RECQL5: variants seen among roughly 807,000 people sequenced by gnomAD.
RECQL5 encodes ATP-dependent DNA helicase Q5.
RECQL5 carries 88 observed loss-of-function variants against 103.4 expected under a neutral mutation model. The ratio of observed to expected loss-of-function variants is 0.85; its 90% CI spans 0.72 to 1.02. The LOEUF is 1.02. RECQL5 is among the 50% of genes least tolerant of loss of function. The pLI, the probability that RECQL5 is intolerant of heterozygous loss-of-function variation, is 0.00. For synonymous variants in RECQL5, 552 were observed against 507.9 expected (o/e 1.09, Z -1.17); for missense variants, 1,232 against 1,284.3 (o/e 0.96, Z 0.62).
In RECQL5 at chr17:75,662,843, G is replaced by A. The variant is rs2059717542; in HGVS notation, c.407C>T (p.Ser136Phe). The A allele has an allele frequency of 6.2e-7, 1 of 1,614,036 alleles. No individual in the cohort carries two copies. The change falls in exon 4 of 20, where the codon TCC becomes TTC. Residue 136 changes from serine to phenylalanine, a missense_variant. Physicochemically the swap from Ser to Phe is radical, Grantham distance 155. Coordinates refer to ENST00000317905, the MANE Select transcript of RECQL5 (RefSeq NM_004259.7). ...LYITPEMAAS[S>F]SFQPTLNSLV... ...GGAGTTCAGGGTGGGCTGGAAGGAGGATGAAGCTGCCATCTCTGGGGTGAT... is the reference window on the plus strand; with the variant it reads ...GGAGTTCAGGGTGGGCTGGAAGGAGAATGAAGCTGCCATCTCTGGGGTGAT...
chr17:75,630,844 G>GA lies in RECQL5; in HGVS notation c.1586-8_1586-7insT, dbSNP rs752469432. 1.8e-6 allele frequency: 2 copies of GA among 1,139,886 alleles called. No homozygotes were observed. The highest frequency in any genetic ancestry group is 2.4e-6 in the Non-Finnish European group (2 of 834,590). The allele number at this position is 1,139,886 out of a possible 1,614,324, so 70.6% of individuals were successfully genotyped here. On this transcript the variant is annotated splice_region_variant and splice_polypyrimidine_tract_variant and intron_variant, in intron 11 of 19. Transcript: ENST00000317905. ...TTCAGGGGACAGTTCTCATCTGTGG[G>GA]GGGGGGGGGTGGTCCTTGGTCCTTT... is the stretch of plus-strand genomic sequence containing the variant.
intron 6 of RECQL5, among the ~76,000 whole-genome samples, chr17:75,658,667 A>AG (rs958455689): frequency 5.9e-5 from 9 of 152,132 alleles, no homozygotes; most frequent in East Asian, 1.9e-4. Context: ...GCAGGAGTTA[A>AG]GGGGGGGCAA....
At chr17:75,647,255 G>T (rs145794275) in intron 8 of RECQL5, 2 of 819,518 alleles carry the variant, frequency 2.4e-6, no homozygotes, top group Non-Finnish European at 3.7e-6. Context: ...GCTGCCAGGC[G>T]GGCCGGCTGC....
At chr17:75,652,269 G>A (rs536667043) in intron 7 of RECQL5, among the ~76,000 whole-genome samples, 191 of 152,030 alleles carry the variant, frequency 1.3e-3, no homozygotes, top group Non-Finnish European at 2.2e-3. Context: ...TTGACCTGCC[G>A]ACTCAGAAAC....
chr17:75,652,611 G>A (rs2059569265), intron 7 of RECQL5: 1 of 152,724 alleles, frequency 6.5e-6, no homozygotes. Context: ...AGCTGGGCTG[G>A]TCACCAGGCC....
chr17:75,664,912 CA>C (rs371470695), intron 3 of RECQL5, 138 bp downstream of exon 3: 209,229 of 908,504 alleles, frequency 0.23, 90 homozygotes, highest in Admixed American at 0.28. Flanking sequence ...GACTCTGTCT[CA>C]AAAAAAAAAA....
At chr17:75,632,320 G>A (rs1015301715) in intron 8 of RECQL5, among the ~76,000 whole-genome samples, 2 of 152,250 alleles carry the variant, frequency 1.3e-5, no homozygotes, top group African/African-American at 2.4e-5. Context: ...GCAACAAGCT[G>A]TAGCGCATGG....
intron 4 of RECQL5, 86 bp downstream of exon 4, chr17:75,662,393 A>C: frequency 7.0e-7 from 1 of 1,421,816 alleles, no homozygotes; most frequent in Admixed American, 2.3e-5. Context: ...AGCTAGAAAA[A>C]CCAAAGGTCT....
At chr17:75,632,038 G>A (rs2059226354) in intron 8 of RECQL5, among the ~76,000 whole-genome samples, 2 of 152,190 alleles carry the variant, frequency 1.3e-5, no homozygotes, top group African/African-American at 4.8e-5. Context: ...ACCTCCTAAA[G>A]CCCATGCATT....
At chr17:75,644,355 T>A (rs1398712603) in intron 8 of RECQL5, among the ~76,000 whole-genome samples, 4 of 151,674 alleles carry the variant, frequency 2.6e-5, no homozygotes, top group African/African-American at 9.7e-5. Flanking sequence ...ATCACATGCA[T>A]GTAATCCCAG....
chr17:75,627,827 G>A (rs1455922955), intron 18 of RECQL5, 135 bp from the exon 19 acceptor site: 4 of 725,258 alleles, frequency 5.5e-6, no homozygotes, highest in Non-Finnish European at 9.0e-6. Context: ...AGACCATCCT[G>A]GCTAACACGG....
chr17:75,628,573 G>A (rs2059147084), intron 17 of RECQL5, 99 bp downstream of exon 17: 2 of 1,505,958 alleles, frequency 1.3e-6, no homozygotes, highest in South Asian at 2.5e-5. Context: ...GGTGTGGAAA[G>A]AAAGCTGATT....
Position 75,630,841 on chromosome 17 carries a change from T to TGG in RECQL5, c.1586-6_1586-5dup, listed in dbSNP as rs55982817. On this transcript the variant is annotated splice_region_variant and splice_polypyrimidine_tract_variant and intron_variant, in intron 11 of 19. Coordinates refer to ENST00000317905, the MANE Select transcript of RECQL5 (RefSeq NM_004259.7). ...TCTTTCAGGGGACAGTTCTCATCTGTGGGGGGGGGGGGTGGTCCTTGGTCC... is the reference window on the plus strand; with the variant it reads ...TCTTTCAGGGGACAGTTCTCATCTGTGGGGGGGGGGGGGGTGGTCCTTGGTCC... 5.7e-3 allele frequency: 6,394 copies of TGG among 1,121,670 alleles called. 105 individuals carry two copies. The highest frequency in any genetic ancestry group is 0.048 in the African/African-American group (1,659 of 34,534). The allele number at this position is 1,121,670 out of a possible 1,614,324, so 69.5% of individuals were successfully genotyped here.
intron 7 of RECQL5, among the ~76,000 whole-genome samples, chr17:75,656,910 A>G (rs2148330464): frequency 6.6e-6 from 1 of 152,056 alleles, no homozygotes; most frequent in South Asian, 2.1e-4. Flanking sequence ...ACGCCCGGCT[A>G]ATTTTTTGTA....
intron 8 of RECQL5, among the ~76,000 whole-genome samples, chr17:75,643,289 C>G (rs1243444422): frequency 6.6e-6 from 1 of 152,260 alleles, no homozygotes; most frequent in African/African-American, 2.4e-5. Context: ...GCGGCTGAGG[C>G]TGAGGCCCTT....
chr17:75,650,615 T>A (rs2059542243), intron 8 of RECQL5: 1 of 1,609,132 alleles, frequency 6.2e-7, no homozygotes, highest in Non-Finnish European at 8.5e-7. Context: ...TAAAAACTCC[T>A]CCTGGGTGTC....
intron 17 of RECQL5, 61 bp from the exon 18 acceptor site, chr17:75,628,503 C>G: frequency 6.4e-7 from 1 of 1,568,844 alleles, no homozygotes; most frequent in Non-Finnish European, 8.7e-7. Context: ...TGCTCCCCTC[C>G]TCCAGAAGAC....
intron 11 of RECQL5, 53 bp downstream of exon 11, chr17:75,630,921 C>T (rs554389749): frequency 1.2e-6 from 2 of 1,602,842 alleles, no homozygotes; most frequent in African/African-American, 1.3e-5. Flanking sequence ...GAGAATCCTC[C>T]CTCCATGCCC....
At chr17:75,666,302 A>G (rs2059779687) in intron 2 of RECQL5, 126 bp downstream of exon 2, 7 of 1,134,724 alleles carry the variant, frequency 6.2e-6, no homozygotes, top group Admixed American at 4.8e-5. Context: ...TGACAACTCT[A>G]AAGATTTCCA....
Sources: gnomAD v4.1 joint callset for allele counts (sites outside exome capture counted in the v4.1 genomes callset) on GRCh38, gnomAD v4.1.1 for gene constraint, MANE v1.5 for transcripts, NCBI Gene and HGNC (gene_info 2026-07-23, HGNC 2026-07-21) for gene names.